The following RNASE9 variants were observed in gnomAD, a reference collection of about 807,000 sequenced individuals.
The protein encoded by RNASE9 is inactive ribonuclease-like protein 9.
For synonymous variants in RNASE9, 95 were observed against 87.6 expected, an observed-to-expected ratio of 1.08 and a Z score of -0.47; for missense variants, 263 against 247.1, an observed-to-expected ratio of 1.06 and a Z score of -0.43.
chr14:20,558,428 A>T, exon 3 of RNASE9: 1 of 748,088 alleles, frequency 1.3e-6, no homozygotes, highest in South Asian at 1.5e-5. Flanking sequence ...GAGAATGGGA[A>T]AGAAAAGAAA....
exon 3 of RNASE9, chr14:20,556,233 T>A (rs1883677600): frequency 2.0e-6 from 1 of 506,708 alleles, no homozygotes; most frequent in Admixed American, 3.4e-5. Flanking sequence ...CCGTAACACA[T>A]TCAAGGCATG....
chr14:20,558,468 G>C (rs1007731257), exon 3 of RNASE9: 4 of 1,041,262 alleles, frequency 3.8e-6, no homozygotes, highest in Admixed American at 4.0e-5. Context: ...TGTGAGAATG[G>C]GCACTCTGGG....
At chr14:20,558,040 A>C (rs761061838) in exon 3 of RNASE9, 8 of 200,246 alleles carry the variant, frequency 4.0e-5, no homozygotes, top group Non-Finnish European at 8.3e-5. Context: ...CTCTCTCTCT[A>C]GGCTGTCAAA....
chr14:20,557,208 C>T, exon 3 of RNASE9: 1 of 863,754 alleles, frequency 1.2e-6, no homozygotes, highest in Non-Finnish European at 1.8e-6. Context: ...TTTAAATTAC[C>T]AACTCATAAT....
intron 1 of RNASE9, among the ~76,000 whole-genome samples, chr14:20,560,150 TAA>T (rs1158183771): frequency 6.6e-6 from 1 of 152,182 alleles, no homozygotes; most frequent in South Asian, 2.1e-4. Context: ...TTTTTAAATT[TAA>T]GTTTAAGATT....
Position 20,556,909 on chromosome 14 carries a change from G to A in RNASE9, c.161C>T (p.Thr54Ile), listed in dbSNP as rs773490266. Residue 54 changes from threonine to isoleucine, a missense_variant, in exon 3 of 3, where the codon ACA becomes ATA. Physicochemically the swap from Thr to Ile is moderately conservative, Grantham distance 89 (BLOSUM62 -1). Transcript: ENST00000555230. ...TTTGGTAGGTGGTCTGGCGGGCCCT[G>A]TACTAAAAAATTTTTCCAAACACTC... 5.0e-6 allele frequency: 8 copies of A among 1,614,032 alleles called. No individual in the cohort carries two copies. In the East Asian group the frequency reaches 1.8e-4, roughly 36 times the overall value.
At chr14:20,560,848 A>G (rs1157269203) in intron 1 of RNASE9, 26 bp downstream of exon 1, 1 of 152,204 alleles carries the variant, frequency 6.6e-6, no homozygotes, top group African/African-American at 2.4e-5. Context: ...TCTGGTTGAC[A>G]GTGAGAAAAA....
exon 3 of RNASE9, chr14:20,556,766 G>A: frequency 6.2e-7 from 1 of 1,613,860 alleles, no homozygotes; most frequent in Admixed American, 1.7e-5. Context: ...AGGAAGTAAT[G>A]TTCTGCCACC....
chr14:20,560,239 A>G (rs1883899591), intron 1 of RNASE9: 1 of 152,170 alleles, frequency 6.6e-6, no homozygotes, highest in Non-Finnish European at 1.5e-5. Flanking sequence ...ATAATAAAGC[A>G]TCAATAAATC....
At chr14:20,556,150 T>G (rs187552235) in exon 3 of RNASE9, 17 of 292,490 alleles carry the variant, frequency 5.8e-5, no homozygotes, top group Non-Finnish European at 9.6e-5. Context: ...GGATGTGTCT[T>G]TGGAGCACAC....
At chr14:20,556,782 G>T (rs972726344) in exon 3 of RNASE9, 4 of 1,613,724 alleles carry the variant, frequency 2.5e-6, no homozygotes, top group Non-Finnish European at 3.4e-6. Flanking sequence ...CCACCCAACG[G>T]TGTTTGTAGT....
chr14:20,560,719 C>G lies in RNASE9; in HGVS notation c.-1634+155G>C, dbSNP rs1001045529. On this transcript the variant is annotated intron_variant, in intron 1 of 2. Coordinates refer to ENST00000555230, the Ensembl canonical transcript of RNASE9. ...AGAATGGGCTATTTTTCAGAATTTA[C>G]AAATATATTAATCAATAAAGTTTTA... Among the ~76,000 whole-genome samples the G allele has an allele frequency of 2.0e-5, 3 of 151,430 alleles. No homozygotes were observed. In the East Asian group the frequency reaches 5.8e-4, roughly 29 times the overall value.
At chr14:20,560,621 C>T (rs1479254480) in intron 1 of RNASE9, among the ~76,000 whole-genome samples, 1 of 151,716 alleles carries the variant, frequency 6.6e-6, no homozygotes, top group Admixed American at 6.6e-5. Context: ...ATACACATTG[C>T]AATAATAATT....
At chr14:20,556,655 C>T (rs1231971630) in exon 3 of RNASE9, 1 of 1,613,062 alleles carries the variant, frequency 6.2e-7, no homozygotes, top group South Asian at 1.1e-5. Flanking sequence ...CAATACACTC[C>T]TTCTACAAGA....
At chr14:20,559,259 T>G (rs1883851133) in intron 2 of RNASE9, among the ~76,000 whole-genome samples, 1 of 152,148 alleles carries the variant, frequency 6.6e-6, no homozygotes, top group Admixed American at 6.6e-5. Flanking sequence ...CTTATTATCA[T>G]TTTATAAAAC....
exon 3 of RNASE9, chr14:20,557,213 CA>C (rs1322663759): frequency 1.3e-6 from 1 of 797,354 alleles, no homozygotes; most frequent in African/African-American, 1.7e-5. Context: ...ATTACCAACT[CA>C]TAATCGATCT....
exon 2 of RNASE9, chr14:20,559,602 G>C (rs1295571731): frequency 6.6e-6 from 1 of 152,118 alleles, no homozygotes; most frequent in Non-Finnish European, 1.5e-5. Flanking sequence ...CAGGCTTCTT[G>C]GTTTTTCCTC....
exon 3 of RNASE9, chr14:20,557,034 G>C (rs1566552310): frequency 6.2e-7 from 1 of 1,613,126 alleles, no homozygotes; most frequent in Non-Finnish European, 8.5e-7. Flanking sequence ...ATAGAAGCAG[G>C]GGCAGTGGGT....
chr14:20,556,740 G>A (rs370056111), exon 3 of RNASE9: 144 of 1,613,740 alleles, frequency 8.9e-5, no homozygotes, highest in Non-Finnish European at 1.2e-4. Flanking sequence ...TTTGGAGCTC[G>A]TCATATTGCA....
Sources: gnomAD v4.1 joint callset for allele counts (sites outside exome capture counted in the v4.1 genomes callset) on GRCh38, gnomAD v4.1.1 for gene constraint, MANE v1.5 for transcripts, NCBI Gene and HGNC (gene_info 2026-07-23, HGNC 2026-07-21) for gene names.